Variants in SPATA16 observed in about 807,000 individuals in gnomAD.
SPATA16 encodes spermatogenesis-associated protein 16.
Under a neutral mutation model 63.3 loss-of-function variants are expected in SPATA16, and 36 were observed. The observed-to-expected ratio is 0.57, with a 90% CI of 0.44 to 0.75. The LOEUF is 0.75. Among genes scored for constraint, SPATA16 ranks in the 30% least tolerant of loss-of-function variants. SPATA16 has a pLI of 0.00. For synonymous variants in SPATA16, 203 were observed against 216.7 expected (o/e 0.94, Z 0.56); for missense variants, 646 against 679.3 (o/e 0.95, Z 0.54).
intron 2 of SPATA16, among the ~76,000 whole-genome samples, chr3:173,074,992 CAAAAAAAA>C (rs35683679): frequency 1.5e-5 from 1 of 66,838 alleles, no homozygotes; most frequent in Non-Finnish European, 3.5e-5. Context: ...GACTCTATCT[CAAAAAAAA>C]AAAAAAAAAA....
intron 7 of SPATA16, among the ~76,000 whole-genome samples, 186 bp downstream of exon 7, chr3:172,925,160 G>T (rs1455957213): frequency 6.6e-6 from 1 of 152,078 alleles, no homozygotes. Context: ...ATTAGAGTGA[G>T]GGGGGTGGGC....
At chr3:172,945,447 A>G (rs1034929643) in intron 6 of SPATA16, among the ~76,000 whole-genome samples, 1 of 152,204 alleles carries the variant, frequency 6.6e-6, no homozygotes, top group Non-Finnish European at 1.5e-5. Context: ...AATTAGATGG[A>G]CCATTATAGT....
intron 8 of SPATA16, among the ~76,000 whole-genome samples, chr3:172,918,045 A>G (rs1016852768): frequency 1.3e-5 from 2 of 152,246 alleles, no homozygotes; most frequent in Non-Finnish European, 2.9e-5. Flanking sequence ...CATTTATCTG[A>G]AAATCTATAA....
intron 2 of SPATA16, among the ~76,000 whole-genome samples, chr3:173,050,604 A>T (rs1736065615): frequency 1.3e-5 from 2 of 151,926 alleles, no homozygotes; most frequent in African/African-American, 4.8e-5. Context: ...TATTAATTAT[A>T]ATAAATATTT....
chr3:172,959,424 G>T (rs771032946), intron 5 of SPATA16, among the ~76,000 whole-genome samples: 2 of 152,168 alleles, frequency 1.3e-5, no homozygotes, highest in Admixed American at 6.5e-5. Context: ...GAGGGTATGC[G>T]CTGGAGAGCA....
intron 3 of SPATA16, among the ~76,000 whole-genome samples, chr3:173,040,333 T>G (rs977582717): frequency 3.9e-5 from 6 of 152,188 alleles, no homozygotes; most frequent in Non-Finnish European, 7.3e-5. Flanking sequence ...CAAATAAGCC[T>G]ATGTATTTAC....
At chr3:172,926,590 C>T (rs1732743234) in intron 6 of SPATA16, among the ~76,000 whole-genome samples, 1 of 152,184 alleles carries the variant, frequency 6.6e-6, no homozygotes, top group South Asian at 2.1e-4. Flanking sequence ...ACTCCAGACA[C>T]CACAGGCACA....
intron 1 of SPATA16, among the ~76,000 whole-genome samples, chr3:173,135,805 CA>C (rs781143939): frequency 3.2e-4 from 49 of 152,170 alleles, no homozygotes; most frequent in Non-Finnish European, 5.1e-4. Flanking sequence ...TCGAATGGAA[CA>C]GGGGGAGCTC....
intron 2 of SPATA16, among the ~76,000 whole-genome samples, chr3:173,096,919 C>T (rs577626052): frequency 6.6e-6 from 1 of 152,174 alleles, no homozygotes; most frequent in East Asian, 1.9e-4. Flanking sequence ...AGTATAACCA[C>T]TAACACTTAT....
intron 1 of SPATA16, among the ~76,000 whole-genome samples, chr3:173,123,172 T>G (rs779080635): frequency 7.9e-5 from 12 of 152,254 alleles, no homozygotes; most frequent in Non-Finnish European, 1.3e-4. Flanking sequence ...TCCAGTGTTA[T>G]ATACATAATA....
intron 3 of SPATA16, among the ~76,000 whole-genome samples, chr3:173,038,560 G>GT (rs1735768928): frequency 6.6e-6 from 1 of 151,954 alleles, no homozygotes; most frequent in South Asian, 2.1e-4. Flanking sequence ...ACCTATTTCA[G>GT]TTTTTCACCA....
Position 172,916,431 on chromosome 3 carries a change from G to A in SPATA16, c.1389C>T (p.Ser463=). Residue 463 remains serine, a synonymous_variant, in exon 9 of 11, where the codon AGC becomes AGT. Transcript: ENST00000351008. ...SGVMEKLQYA[S]LLSQLQRVKE... ...TTACTCTCTGCAGCTGGCTGAGGAG[G>A]CTGGCATATTGCAACTTCTCCATCA... The A allele has an allele frequency of 6.2e-7, 1 of 1,613,834 alleles. No homozygotes were observed. The highest frequency in any genetic ancestry group is 1.1e-5 in the South Asian group (1 of 91,074).
intron 4 of SPATA16, among the ~76,000 whole-genome samples, chr3:173,006,254 G>A (rs191534308): frequency 5.9e-5 from 9 of 152,272 alleles, no homozygotes; most frequent in Admixed American, 3.3e-4. Flanking sequence ...GAATTATCAT[G>A]TCTATCTTCC....
intron 2 of SPATA16, among the ~76,000 whole-genome samples, chr3:173,063,699 AT>A (rs1651869373): frequency 6.6e-6 from 1 of 152,142 alleles, no homozygotes; most frequent in Non-Finnish European, 1.5e-5. Flanking sequence ...GATTTTTCCA[AT>A]TTATATTTCC....
intron 3 of SPATA16, among the ~76,000 whole-genome samples, chr3:173,040,855 T>C (rs1454583298): frequency 1.3e-5 from 2 of 152,202 alleles, no homozygotes; most frequent in Non-Finnish European, 2.9e-5. Flanking sequence ...ACACGGTGGG[T>C]GTTCAATGAA....
At chr3:173,023,758 A>G (rs1735389577) in intron 3 of SPATA16, among the ~76,000 whole-genome samples, 2 of 151,622 alleles carry the variant, frequency 1.3e-5, no homozygotes, top group East Asian at 3.9e-4. Context: ...TTTTAAAAAA[A>G]CAGAAATTTT....
intron 6 of SPATA16, among the ~76,000 whole-genome samples, chr3:172,939,210 G>A (rs1733087191): frequency 6.6e-6 from 1 of 152,088 alleles, no homozygotes; most frequent in Non-Finnish European, 1.5e-5. Context: ...CGGGGAGTTT[G>A]GAACTTACGC....
chr3:172,916,317 C>A lies in SPATA16; in HGVS notation c.1503G>T (p.Leu501Phe). ...CCCTTAAACAAAGAAAAATACTTAC[C>A]AATTCTGCCTCCTGTTGACTGATGT... is the stretch of plus-strand genomic sequence containing the variant. Reference protein sequence around the residue: ...LQDISQQEAELLQSLMADAMD... With the variant: ...LQDISQQEAEFLQSLMADAMD... Residue 501 changes from leucine (L) to phenylalanine (F), a missense_variant and splice_region_variant, in exon 9 of 11, where the codon TTG (leucine) becomes TTT (phenylalanine). Transcript: ENST00000351008. 6.2e-7 allele frequency: 1 copy of A among 1,612,580 alleles called. No individual in the cohort carries two copies. The highest frequency in any genetic ancestry group is 8.5e-7 in the Non-Finnish European group (1 of 1,179,148).
chr3:172,913,957 G>A (rs9829187), intron 9 of SPATA16, among the ~76,000 whole-genome samples: 19,216 of 152,076 alleles, frequency 0.13, 1,682 homozygotes, highest in African/African-American at 0.25. Flanking sequence ...GATTCTTCTC[G>A]AAAATTTGTA....
Sources: allele counts gnomAD v4.1 joint callset (sites outside exome capture counted in the v4.1 genomes callset), GRCh38; gene constraint gnomAD v4.1.1; transcripts MANE v1.5; gene names NCBI Gene and HGNC (gene_info 2026-07-23, HGNC 2026-07-21).